MUC6: variants seen among roughly 807,000 people sequenced by gnomAD.
MUC6 encodes mucin-6.
A neutral mutation model predicts 201.5 loss-of-function variants in MUC6; 188 were observed. The observed-to-expected ratio is 0.93, with a 90% CI of 0.83 to 1.05. The LOEUF (loss-of-function observed/expected upper bound fraction) is 1.05, where lower values mean the gene tolerates loss of function less well. Among genes scored for constraint, MUC6 ranks in the 50% least tolerant of loss-of-function variants. MUC6 has a pLI of 0.00. For missense variants in MUC6, 2,706 were observed against 3,256.9 expected (o/e 0.83, Z 4.12); for synonymous variants, 1,228 against 1,389.4 (o/e 0.88, Z 2.58).
chr11:1,025,975 C>T (rs367677082), intron 21 of MUC6, 25 bp downstream of exon 21: 1 of 1,589,384 alleles, frequency 6.3e-7, no homozygotes, highest in Non-Finnish European at 8.6e-7. Flanking sequence ...TCCCCGGCCC[C>T]TGCGGCCTGG....
At chr11:1,020,632 G>T (rs1856785252) in intron 28 of MUC6, 52 bp downstream of exon 28, 3 of 1,610,772 alleles carry the variant, frequency 1.9e-6, no homozygotes, top group African/African-American at 1.3e-5. Context: ...GAACCGAGGG[G>T]AGCCCAGGAA....
At position 1,027,755 on chromosome 11, in the gene MUC6, G is replaced by T; in HGVS notation, c.1911C>A (p.Gly637=). The change falls in exon 16 of 33, where the codon GGC becomes GGA. Residue 637 remains glycine, a synonymous_variant. Coordinates refer to ENST00000421673, the MANE Select transcript of MUC6 (RefSeq NM_005961.3). ...ETFPHICAAL[G]DYVHACSLRG... is the part of the protein sequence containing the mutation. ...GCAAGGAGCAGGCGTGTACGTAGTC[G>T]CCCAGGGCGGCACAGATGTGGGGAA... is the stretch of plus-strand genomic sequence containing the variant. 6.2e-7 allele frequency: 1 copy of T among 1,610,130 alleles called. No individual in the cohort carries two copies. Among genetic ancestry groups the T allele is most frequent in the South Asian group, 1.1e-5 (1 of 90,420 alleles).
chr11:1,032,169 A>T (rs1260218039), intron 2 of MUC6, 116 bp from the exon 3 acceptor site: 1 of 1,385,194 alleles, frequency 7.2e-7, no homozygotes, highest in Non-Finnish European at 9.7e-7. Flanking sequence ...AGTTGGGGCC[A>T]GGCTGTGGAA....
chr11:1,029,676 C>T, intron 8 of MUC6, 61 bp from the exon 9 acceptor site: 1 of 1,507,288 alleles, frequency 6.6e-7, no homozygotes, highest in Non-Finnish European at 8.8e-7. Context: ...TCTCCCCTCC[C>T]TGGCTCCAGG....
In MUC6 at chr11:1,028,296, G is replaced by A. The variant is rs1311249234; in HGVS notation, c.1683C>T (p.Ser561=). The A allele has an allele frequency of 7.5e-6, 12 of 1,610,252 alleles. No homozygotes were observed. The highest frequency in any genetic ancestry group is 1.0e-5 in the Non-Finnish European group (12 of 1,179,038). ...CGGCCGGACAGTTCCCCGCCCGCCA[G>A]GAGTCCACAAACAGCGAGGCGGTGC... The part of the protein sequence containing the change: ...AEGTASLFVD[S]WRAGNCPAAL... The change falls in exon 14 of 33, where the codon TCC becomes TCT. Residue 561 remains serine, a synonymous_variant. Transcript: ENST00000421673.
Position 1,033,105 on chromosome 11 carries a change from G to A in MUC6, c.53-30C>T, listed in dbSNP as rs1172489088. 6.2e-7 allele frequency: 1 copy of A among 1,610,638 alleles called. No individual in the cohort carries two copies. The highest frequency in any genetic ancestry group is 8.5e-7 in the Non-Finnish European group (1 of 1,177,214). On this transcript the variant is annotated intron_variant, in intron 1 of 32. Coordinates refer to ENST00000421673, the MANE Select transcript of MUC6 (RefSeq NM_005961.3). This position sits in a 1 kb window ranked among gnomAD's most constrained non-coding sequence, Gnocchi z 5.6. Reference sequence around the variant, plus strand: ...GTGGACGGGACCCGCAGTCGGTGTGGGGCTACCCCGTCGTCCCTGAGGGCG... The same window carrying A: ...GTGGACGGGACCCGCAGTCGGTGTGAGGCTACCCCGTCGTCCCTGAGGGCG...
At position 1,028,367 on chromosome 11, in the gene MUC6, C is replaced by G; in HGVS notation, c.1612G>C (p.Gly538Arg). The change falls in exon 14 of 33, where the codon GGG becomes CGG. Residue 538 changes from glycine to arginine, a missense_variant. This residue lies in a region of MUC6 where 1,850 missense variants were observed against 1,958.3 expected (regional missense o/e 0.94). Transcript: ENST00000421673. ...GTGGTGAAGTCATCCGTTGTGTCCC[C>G]GTTGAAGTTGCCGCAGAGCCCTGAG... ...QTRGLCGNFN[G>R]DTTDDFTTSM... 1 of 1,612,464 alleles carries G rather than the reference C, an allele frequency of 6.2e-7. No homozygotes were observed. The highest frequency in any genetic ancestry group is 8.5e-7 in the Non-Finnish European group (1 of 1,179,828).
chr11:1,024,314 C>T (rs1817040632), intron 24 of MUC6, among the ~76,000 whole-genome samples: 1 of 152,216 alleles, frequency 6.6e-6, no homozygotes, highest in African/African-American at 2.4e-5. Flanking sequence ...GAGCTCACGC[C>T]TTGAGACCCG....
rs1393174789 is a variant in MUC6, at chr11:1,012,909, T to G, written c.*547A>C. 6.4e-6 allele frequency: 1 copy of G among 155,514 alleles called. No individual in the cohort carries two copies. The highest frequency in any genetic ancestry group is 2.4e-5 in the African/African-American group (1 of 41,526). 9.6% of individuals were successfully genotyped at this position (155,514 alleles called of 1,614,324 possible). ...AGGCTGCTGGGGATGGGTGTGGTGCTGGTGGGGGCCTTCTGCCTGGCTGGG... is the reference window on the plus strand; with the variant it reads ...AGGCTGCTGGGGATGGGTGTGGTGCGGGTGGGGGCCTTCTGCCTGGCTGGG... On this transcript the variant is annotated 3_prime_UTR_variant, in exon 33 of 33. Transcript: ENST00000421673.
Position 1,031,141 on chromosome 11 carries a change from G to A in MUC6, c.574+28C>T, listed in dbSNP as rs760862016. 119 of 378,830 alleles carry A rather than the reference G, an allele frequency of 3.1e-4. 1 individual carries two copies. The African/African-American group carries it at 5.7e-3, about 18-fold the overall frequency. The allele number at this position is 378,830 out of a possible 1,614,324, so 23.5% of individuals were successfully genotyped here. ...TGCCCCCCACCTAGAGGCCCCCCCA[G>A]AGGCCCCCCAGCCCTGCCCCCACCT... is the stretch of plus-strand genomic sequence containing the variant. On this transcript the variant is annotated intron_variant, in intron 5 of 32. Transcript: ENST00000421673.
chr11:1,032,319 GTC>G (rs768473165), intron 2 of MUC6, among the ~76,000 whole-genome samples: 4 of 152,204 alleles, frequency 2.6e-5, no homozygotes, highest in African/African-American at 4.8e-5. Flanking sequence ...GTATGTGCGT[GTC>G]TCGGGTGTGT....
At chr11:1,021,725 T>G (rs1481054993) in intron 26 of MUC6, among the ~76,000 whole-genome samples, 1 of 151,968 alleles carries the variant, frequency 6.6e-6, no homozygotes, top group South Asian at 2.1e-4. Context: ...CATACCCTGC[T>G]TATCACCCGG....
At position 1,028,323 on chromosome 11, in the gene MUC6, C is replaced by T. The variant is rs890745713; in HGVS notation, c.1656G>A (p.Glu552=). The change falls in exon 14 of 33, where the codon GAG becomes GAA. Residue 552 remains glutamate (E), a synonymous_variant. Transcript: ENST00000421673. ...DDFTTSMGIA[E]GTASLFVDSW... ...AGTCCACAAACAGCGAGGCGGTGCC[C>T]TCGGCGATACCCATGCTAGTGGTGA... 3 of 1,612,450 alleles carry T rather than the reference C, an allele frequency of 1.9e-6. No individual in the cohort carries two copies. The highest frequency in any genetic ancestry group is 2.5e-6 in the Non-Finnish European group (3 of 1,179,798).
chr11:1,019,182 G>T, intron 30 of MUC6, 93 bp downstream of exon 30: 3 of 1,381,276 alleles, frequency 2.2e-6, no homozygotes, highest in East Asian at 4.8e-5. Context: ...TGGGAAATAC[G>T]GGGTCTTCTT....
chr11:1,019,595 G>A, intron 29 of MUC6, 99 bp from the exon 30 acceptor site: 2 of 1,108,184 alleles, frequency 1.8e-6, no homozygotes, highest in South Asian at 1.3e-5. Context: ...TCCCTGGCCT[G>A]CTGTCCGGGA....
rs371279050 is a variant in MUC6, at chr11:1,016,305, C to A, written c.6496G>T (p.Val2166Leu). The A allele has an allele frequency of 7.4e-6, 12 of 1,610,808 alleles. No homozygotes were observed. The highest frequency in any genetic ancestry group is 1.7e-5 in the Admixed American group (1 of 59,508). The part of the protein sequence containing the change: ...SPSVGTSSSF[V>L]SAPVHSTTLS... Reference sequence around the variant, plus strand: ...GTTGTGGAGTGCACGGGGGCGGACACGAAAGAGGAAGATGTGCCAACAGAA... The same window carrying A: ...GTTGTGGAGTGCACGGGGGCGGACAAGAAAGAGGAAGATGTGCCAACAGAA... The change falls in exon 31 of 33, where the codon GTG becomes TTG. Residue 2166 changes from valine to leucine, a missense_variant. Physicochemically the swap from Val to Leu is conservative, Grantham distance 32. This residue lies in a region of MUC6 where 586 missense variants were observed against 488.0 expected (regional missense o/e 1.20). Coordinates refer to ENST00000421673, the MANE Select transcript of MUC6 (RefSeq NM_005961.3).
At chr11:1,015,298 C>T (rs184086613) in intron 31 of MUC6, among the ~76,000 whole-genome samples, 132 of 152,326 alleles carry the variant, frequency 8.7e-4, no homozygotes, top group African/African-American at 3.0e-3. Context: ...CCACCTTCAA[C>T]AGGTCCTTTG....
At chr11:1,035,506 C>A (rs999502718) in intron 1 of MUC6, among the ~76,000 whole-genome samples, 1 of 148,668 alleles carries the variant, frequency 6.7e-6, no homozygotes, top group Middle Eastern at 3.4e-3. Flanking sequence ...TGGTAGGGAG[C>A]GGGCTCAGAG....
intron 10 of MUC6, 21 bp downstream of exon 10, chr11:1,029,207 G>A (rs1269297101): frequency 4.4e-6 from 7 of 1,605,766 alleles, no homozygotes; most frequent in Non-Finnish European, 5.1e-6. Context: ...CCCTCCCCAC[G>A]GGCCACAGGG....
Sources: gnomAD v4.1 joint callset for allele counts (sites outside exome capture counted in the v4.1 genomes callset) on GRCh38, gnomAD v4.1.1 for gene constraint, gnomAD v4.1.1 regional missense constraint, Gnocchi (gnomAD v3.1) non-coding constraint, MANE v1.5 for transcripts, NCBI Gene and HGNC (gene_info 2026-07-23, HGNC 2026-07-21) for gene names.